The following TMEM87A variants were observed in gnomAD, a reference collection of about 807,000 sequenced individuals.
TMEM87A encodes transmembrane protein 87A.
TMEM87A carries 50 observed loss-of-function variants against 90.0 expected under a neutral mutation model. The ratio of observed to expected loss-of-function variants is 0.56; its 90% CI spans 0.44 to 0.70. The LOEUF is 0.70. Among genes scored for constraint, TMEM87A ranks in the 30% least tolerant of loss-of-function variants. The pLI is 0.00. For synonymous variants in TMEM87A, 226 were observed against 226.7 expected (o/e 1.00, Z 0.03); for missense variants, 577 against 660.5 (o/e 0.87, Z 1.39).
chr15:42,223,212 GCAAAACCCCAT>G (rs1336115934), intron 15 of TMEM87A, among the ~76,000 whole-genome samples: 1 of 152,076 alleles, frequency 6.6e-6, no homozygotes, highest in Non-Finnish European at 1.5e-5. Flanking sequence ...GGGCAACATG[GCAAAACCCCAT>G]CTCTACAAAA....
chr15:42,223,514 T>G (rs1358609889), intron 15 of TMEM87A, among the ~76,000 whole-genome samples: 1 of 152,206 alleles, frequency 6.6e-6, no homozygotes, highest in East Asian at 1.9e-4. Flanking sequence ...TTGGGCCTAA[T>G]GGAAGGCATT....
intron 9 of TMEM87A, among the ~76,000 whole-genome samples, 178 bp downstream of exon 9, chr15:42,237,254 A>G (rs2050785995): frequency 6.6e-6 from 1 of 152,252 alleles, no homozygotes; most frequent in African/African-American, 2.4e-5. Flanking sequence ...TTAGTCTTAC[A>G]TCACTGAACT....
At chr15:42,264,699 A>ATATTT (rs10681614) in intron 3 of TMEM87A, among the ~76,000 whole-genome samples, 7,982 of 109,448 alleles carry the variant, frequency 0.073, 320 homozygotes, top group South Asian at 0.15. Context: ...ATATATATAT[A>ATATTT]TTTTTTTTTT....
chr15:42,211,551 G>A lies in TMEM87A; in HGVS notation c.*157C>T. Reference sequence around the variant, plus strand: ...TTGTTTTCAGTAAGATGTTCTCTTTGTTCTGACACCTCTCGCCAACTCCAA... The same window carrying A: ...TTGTTTTCAGTAAGATGTTCTCTTTATTCTGACACCTCTCGCCAACTCCAA... On this transcript the variant is annotated 3_prime_UTR_variant, in exon 20 of 20. Coordinates refer to ENST00000389834, the MANE Select transcript of TMEM87A (RefSeq NM_015497.5). 1 of 682,118 alleles carries A rather than the reference G, an allele frequency of 1.5e-6. No individual in the cohort carries two copies. The allele number at this position is 682,118 out of a possible 1,614,324, so 42.3% of individuals were successfully genotyped here.
chr15:42,229,800 C>T (rs973235267), intron 12 of TMEM87A, among the ~76,000 whole-genome samples: 7 of 152,154 alleles, frequency 4.6e-5, no homozygotes, highest in African/African-American at 1.7e-4. Context: ...TTGGTGACTA[C>T]TAAAAATGGT....
At chr15:42,213,287 A>G (rs534473948) in intron 19 of TMEM87A, among the ~76,000 whole-genome samples, 2 of 152,350 alleles carry the variant, frequency 1.3e-5, no homozygotes, top group Admixed American at 1.3e-4. Context: ...CAAAGGGCCC[A>G]GGTTGGAAGT....
At chr15:42,259,423 C>T (rs2051248120) in intron 6 of TMEM87A, among the ~76,000 whole-genome samples, 1 of 152,186 alleles carries the variant, frequency 6.6e-6, no homozygotes, top group Admixed American at 6.5e-5. Context: ...AAAGACTGAT[C>T]ACCTGAGCTG....
chr15:42,261,398 A>G (rs779237413), intron 4 of TMEM87A, 149 bp from the exon 5 acceptor site: 58 of 607,996 alleles, frequency 9.5e-5, no homozygotes, highest in Non-Finnish European at 1.2e-4. Context: ...AACATTTCCA[A>G]TTAACCACAA....
chr15:42,238,389 G>A (rs770417720), intron 8 of TMEM87A, among the ~76,000 whole-genome samples: 25 of 151,912 alleles, frequency 1.6e-4, no homozygotes, highest in Admixed American at 2.6e-4. Flanking sequence ...CCAAAACATG[G>A]TGAAACCCCG....
At chr15:42,221,895 C>A (rs1269991485) in intron 15 of TMEM87A, among the ~76,000 whole-genome samples, 4 of 152,042 alleles carry the variant, frequency 2.6e-5, no homozygotes, top group Non-Finnish European at 4.4e-5. Context: ...GGATTACAGG[C>A]ATGCACTACC....
intron 7 of TMEM87A, among the ~76,000 whole-genome samples, chr15:42,242,098 A>G (rs1008602579): frequency 6.6e-6 from 1 of 151,766 alleles, no homozygotes; most frequent in African/African-American, 2.4e-5. Flanking sequence ...AAGAAAAAGA[A>G]AAAAACAAAA....
chr15:42,248,305 A>T (rs190349335), intron 6 of TMEM87A, among the ~76,000 whole-genome samples: 76 of 152,248 alleles, frequency 5.0e-4, no homozygotes, highest in African/African-American at 1.7e-3. Flanking sequence ...CCTGGCCATT[A>T]CTTCCAACAC....
chr15:42,243,995 C>A lies in TMEM87A; in HGVS notation c.622+55G>T, dbSNP rs1212932598. On this transcript the variant is annotated intron_variant, in intron 7 of 19. Coordinates refer to ENST00000389834, the MANE Select transcript of TMEM87A (RefSeq NM_015497.5). ...CTAATAAAAAAGCATATGTAAAGTA[C>A]ATGAATGACATAACCAGATAATAAC... 1.3e-5 allele frequency: 14 copies of A among 1,070,812 alleles called. No homozygotes were observed. In the African/African-American group the frequency reaches 2.0e-4, roughly 15 times the overall value. 66.3% of individuals were successfully genotyped at this position (1,070,812 alleles called of 1,614,324 possible).
intron 15 of TMEM87A, among the ~76,000 whole-genome samples, chr15:42,221,227 C>T (rs1053919794): frequency 6.7e-5 from 10 of 149,924 alleles, no homozygotes; most frequent in Non-Finnish European, 1.0e-4. Flanking sequence ...CCAGCCTGGG[C>T]GACACAGCGA....
At chr15:42,252,092 G>A (rs1010643878) in intron 6 of TMEM87A, among the ~76,000 whole-genome samples, 20 of 152,228 alleles carry the variant, frequency 1.3e-4, no homozygotes, top group African/African-American at 4.8e-4. Flanking sequence ...CGTTTGCTAA[G>A]ACTGTTGGAA....
At chr15:42,265,789 C>T (rs1008010929) in intron 3 of TMEM87A, among the ~76,000 whole-genome samples, 1 of 152,200 alleles carries the variant, frequency 6.6e-6, no homozygotes, top group Non-Finnish European at 1.5e-5. Flanking sequence ...ATCTTTGCCA[C>T]TTCCCATGTC....
At chr15:42,237,332 T>A in intron 9 of TMEM87A, 100 bp downstream of exon 9, 1 of 1,146,690 alleles carries the variant, frequency 8.7e-7, no homozygotes, top group African/African-American at 1.6e-5. Context: ...ATTAAGTAAT[T>A]GAAAAGTTAA....
intron 15 of TMEM87A, among the ~76,000 whole-genome samples, chr15:42,222,924 G>A (rs1322175361): frequency 2.6e-5 from 4 of 152,066 alleles, no homozygotes; most frequent in African/African-American, 9.7e-5. Flanking sequence ...GGCTAGATAA[G>A]AATTTGTCAA....
rs138263842 is a variant in TMEM87A, at chr15:42,266,281, T to A, written c.291+1666A>T. ...CTGTAATCCCAGCACTTTGGGAGAC[T>A]GAGGCAGGTGGATCACCTGAGGTCA... On this transcript the variant is annotated intron_variant, in intron 3 of 19. Transcript: ENST00000389834. Among the ~76,000 whole-genome samples, 1,188 of 152,286 alleles carry A rather than the reference T, an allele frequency of 7.8e-3. 13 individuals carry two copies. The highest frequency in any genetic ancestry group is 0.027 in the African/African-American group (1,134 of 41,554).
Sources: allele counts gnomAD v4.1 joint callset (sites outside exome capture counted in the v4.1 genomes callset), GRCh38; gene constraint gnomAD v4.1.1; transcripts MANE v1.5; gene names NCBI Gene and HGNC (gene_info 2026-07-23, HGNC 2026-07-21).